Variants in ETS1 observed in about 807,000 individuals in gnomAD.
ETS1 encodes protein C-ets-1.
A neutral mutation model predicts 58.6 loss-of-function variants in ETS1; 15 were observed. That is an observed-to-expected ratio of 0.26 (90% CI 0.17 to 0.39). The LOEUF is 0.39. Ranked by LOEUF, ETS1 falls within the 10% of genes least tolerant of loss-of-function variation. The pLI, the probability that ETS1 is intolerant of heterozygous loss-of-function variation, is 1.00. For synonymous variants in ETS1, 214 were observed against 218.2 expected (o/e 0.98, Z 0.17); for missense variants, 417 against 610.5 (o/e 0.68, Z 3.34).
At chr11:128,509,744 TTCTG>T (rs780903155) in intron 3 of ETS1, among the ~76,000 whole-genome samples, 1 of 152,020 alleles carries the variant, frequency 6.6e-6, no homozygotes, top group African/African-American at 2.4e-5. Flanking sequence ...TCCAAATGGA[TTCTG>T]TCTAAGTAGG....
At chr11:128,539,098 A>T (rs1864016960) in intron 3 of ETS1, among the ~76,000 whole-genome samples, 1 of 152,260 alleles carries the variant, frequency 6.6e-6, no homozygotes, top group African/African-American at 2.4e-5. Flanking sequence ...TAAAGCTCAT[A>T]TAAGAAAAAA....
intron 3 of ETS1, among the ~76,000 whole-genome samples, chr11:128,533,278 G>A (rs538135921): frequency 3.3e-5 from 5 of 152,338 alleles, no homozygotes; most frequent in East Asian, 1.9e-4. Flanking sequence ...AAGGGCTGCC[G>A]CCGCCATTGC....
At chr11:128,569,480 A>G (rs370938872) in intron 2 of ETS1, among the ~76,000 whole-genome samples, 99 of 151,146 alleles carry the variant, frequency 6.5e-4, no homozygotes, top group African/African-American at 2.3e-3. Context: ...TGGGGCTCTG[A>G]CTTTCTTATC....
chr11:128,513,121 T>C (rs112872381), intron 3 of ETS1, among the ~76,000 whole-genome samples: 2,769 of 152,244 alleles, frequency 0.018, 77 homozygotes, highest in African/African-American at 0.06. Context: ...ATTTCTAACA[T>C]CTCTGTTTCT....
chr11:128,468,073 C>G (rs935298105), intron 8 of ETS1, among the ~76,000 whole-genome samples: 1 of 152,182 alleles, frequency 6.6e-6, no homozygotes, highest in Non-Finnish European at 1.5e-5. Flanking sequence ...GAAGAACGTG[C>G]TACAAGCTCT....
intron 1 of ETS1, among the ~76,000 whole-genome samples, chr11:128,585,348 CAAGG>C (rs973321049): frequency 1.6e-4 from 18 of 113,190 alleles, no homozygotes; most frequent in African/African-American, 5.6e-4. Context: ...AGGAAGGAAG[CAAGG>C]AAGGAAGGAA....
intron 5 of ETS1, among the ~76,000 whole-genome samples, 186 bp downstream of exon 5, chr11:128,489,104 A>G (rs928104581): frequency 2.0e-5 from 3 of 152,152 alleles, no homozygotes; most frequent in African/African-American, 7.2e-5. Flanking sequence ...TAGAAGAAAA[A>G]GAAATTACAC....
At chr11:128,546,739 AG>A (rs988152047) in intron 3 of ETS1, among the ~76,000 whole-genome samples, 1 of 152,164 alleles carries the variant, frequency 6.6e-6, no homozygotes, top group Non-Finnish European at 1.5e-5. Context: ...CATTGTTTGC[AG>A]GGGGGAAGGT....
intron 8 of ETS1, among the ~76,000 whole-genome samples, chr11:128,472,789 TCTC>T (rs906709485): frequency 1.1e-4 from 17 of 152,196 alleles, no homozygotes; most frequent in African/African-American, 3.6e-4. Flanking sequence ...TCTACCCAAA[TCTC>T]CTCCTTCCAG....
At chr11:128,584,106 C>A (rs1864927805) in intron 1 of ETS1, among the ~76,000 whole-genome samples, 1 of 152,146 alleles carries the variant, frequency 6.6e-6, no homozygotes, top group Non-Finnish European at 1.5e-5. Flanking sequence ...CAAGGCTGGG[C>A]ATGGAGTAGA....
intron 3 of ETS1, among the ~76,000 whole-genome samples, chr11:128,555,046 T>C (rs1332951502): frequency 1.3e-5 from 2 of 152,130 alleles, no homozygotes. Context: ...GCATAAATAT[T>C]ATTATGTCTA....
intron 2 of ETS1, among the ~76,000 whole-genome samples, chr11:128,558,743 G>A (rs1195173330): frequency 6.6e-6 from 1 of 150,820 alleles, no homozygotes; most frequent in African/African-American, 2.4e-5. Context: ...AAACCATTTT[G>A]CTGGAATGTT....
At chr11:128,553,551 C>T (rs1252334688) in intron 3 of ETS1, among the ~76,000 whole-genome samples, 1 of 152,016 alleles carries the variant, frequency 6.6e-6, no homozygotes, top group Non-Finnish European at 1.5e-5. Context: ...CCACCATACC[C>T]GCTTTATCAT....
chr11:128,558,378 C>T (rs1864348045), intron 2 of ETS1, among the ~76,000 whole-genome samples: 1 of 152,160 alleles, frequency 6.6e-6, no homozygotes, highest in South Asian at 2.1e-4. Context: ...GGCGCGGTGG[C>T]TCACGCCTGT....
At chr11:128,565,396 G>A (rs1456379745) in intron 2 of ETS1, among the ~76,000 whole-genome samples, 2 of 152,172 alleles carry the variant, frequency 1.3e-5, no homozygotes, top group South Asian at 2.1e-4. Context: ...AGAACGGTGA[G>A]CAATAAATTT....
intron 3 of ETS1, among the ~76,000 whole-genome samples, chr11:128,516,552 A>G (rs752362565): frequency 2.6e-5 from 4 of 152,310 alleles, no homozygotes; most frequent in Admixed American, 6.5e-5. Context: ...CCCATAATGC[A>G]GTAATAAAGA....
At position 128,459,689 on chromosome 11, in the gene ETS1, G is replaced by T. The variant is rs1861854016; in HGVS notation, c.*2672C>A. 6.5e-6 allele frequency: 1 copy of T among 152,782 alleles called. No individual in the cohort carries two copies. The highest frequency in any genetic ancestry group is 1.5e-5 in the Non-Finnish European group (1 of 68,054). 9.5% of individuals were successfully genotyped at this position (152,782 alleles called of 1,614,324 possible). A position where few individuals can be genotyped will look rare whatever the true frequency, so the allele number is the denominator to read the frequency against. On this transcript the variant is annotated 3_prime_UTR_variant, in exon 10 of 10. Transcript: ENST00000392668. ...CACCACTCTTCCTGGGATGGTCTCT[G>T]GCCTTTGGACAAAGGAGAAAAAACA...
rs1322042406 is a variant in ETS1 at position 128,483,799 on chromosome 11, T to G, written c.862+1024A>C. Among the ~76,000 whole-genome samples, 4 of 152,212 alleles carry G rather than the reference T, an allele frequency of 2.6e-5. No individual in the cohort carries two copies. The East Asian group carries it at 7.7e-4, about 29-fold the overall frequency. ...CAAGAGCCTCACAATAGGCACCGCA[T>G]ATGGTCAGTCATTGAGCAGAAATCA... is the stretch of plus-strand genomic sequence containing the variant. On this transcript the variant is annotated intron_variant, in intron 7 of 9. Transcript: ENST00000392668.
At chr11:128,548,132 A>AAGGAAAGGG (rs1864161580) in intron 3 of ETS1, among the ~76,000 whole-genome samples, 1 of 84,010 alleles carries the variant, frequency 1.2e-5, no homozygotes, top group African/African-American at 6.0e-5. Context: ...AAAGGAAAGG[A>AAGGAAAGGG]AAGGGAAGGG....
Sources: allele counts gnomAD v4.1 joint callset (sites outside exome capture counted in the v4.1 genomes callset), GRCh38; gene constraint gnomAD v4.1.1; transcripts MANE v1.5; gene names NCBI Gene and HGNC (gene_info 2026-07-23, HGNC 2026-07-21).